The following MICAL2 variants were observed in gnomAD, a reference collection of about 807,000 sequenced individuals.
The protein encoded by MICAL2 is [F-actin]-monooxygenase MICAL2.
A neutral mutation model predicts 127.3 loss-of-function variants in MICAL2; 77 were observed. The observed-to-expected ratio is 0.60, with a 90% CI of 0.50 to 0.73. The LOEUF is 0.73. MICAL2 is among the 30% of genes least tolerant of loss of function. MICAL2 has a pLI of 0.00. For synonymous variants in MICAL2, 570 were observed against 551.1 expected, an observed-to-expected ratio of 1.03 and a Z score of -0.48; for missense variants, 1,351 against 1,434.4, an observed-to-expected ratio of 0.94 and a Z score of 0.94.
chr11:12,211,848 C>T (rs566350440), intron 6 of MICAL2, among the ~76,000 whole-genome samples: 4 of 152,274 alleles, frequency 2.6e-5, no homozygotes, highest in African/African-American at 9.6e-5. Flanking sequence ...CCAATGGCGG[C>T]GGGCTGGACA....
At position 12,334,590 on chromosome 11, in the gene MICAL2, A is replaced by C. The variant is rs1185209442; in HGVS notation, c.5515+7324A>C. ...AGCATTAGGTATATCTCCTAATGCT[A>C]TCCCTCCCCCCTCCCCCCACCCCCC... On this transcript the variant is annotated intron_variant, in intron 32 of 34. Transcript: ENST00000646065. 9.3e-5 allele frequency among the ~76,000 whole-genome samples: 10 copies of C among 107,738 alleles called. No individual in the cohort carries two copies. The South Asian group carries it at 4.1e-3, about 44-fold the overall frequency. 70.7% of individuals were successfully genotyped at this position (107,738 alleles called of 152,430 possible). A position where few individuals can be genotyped will look rare whatever the true frequency, so the allele number is the denominator to read the frequency against.
In MICAL2 at chr11:12,355,421, C is replaced by T. The variant is rs192852930; in HGVS notation, c.5689+564C>T. On this transcript the variant is annotated intron_variant, in intron 34 of 34. Transcript: ENST00000646065. The stretch of plus-strand genomic sequence containing the variant: ...GCAAGGAGAGTAGAGATAAACTCAA[C>T]TGACACAGTATACTGCTGTATGCAT... Among the ~76,000 whole-genome samples the T allele has an allele frequency of 8.5e-5, 13 of 152,310 alleles. No individual in the cohort carries two copies. The East Asian group carries it at 2.1e-3, about 25-fold the overall frequency.
chr11:12,265,527 GA>G (rs1863590148), downstream of MICAL2, among the ~76,000 whole-genome samples: 1 of 152,122 alleles, frequency 6.6e-6, no homozygotes, highest in Admixed American at 6.5e-5. Flanking sequence ...ACTTAATGTA[GA>G]GTAATAAAAT....
chr11:12,112,253 A>G (rs1849666895), intron 1 of MICAL2, among the ~76,000 whole-genome samples: 1 of 152,152 alleles, frequency 6.6e-6, no homozygotes, highest in Non-Finnish European at 1.5e-5. Flanking sequence ...GCCTCTGAAA[A>G]GATGCTCTCC....
At chr11:12,235,992 G>C (rs1858997376) in intron 15 of MICAL2, among the ~76,000 whole-genome samples, 185 bp from the exon 16 acceptor site, 1 of 152,200 alleles carries the variant, frequency 6.6e-6, no homozygotes, top group Admixed American at 6.5e-5. Context: ...ACAAAACCCT[G>C]TGACAGCATT....
At chr11:12,360,694 C>T (rs1939193527), downstream of MICAL2, among the ~76,000 whole-genome samples, 1 of 152,150 alleles carries the variant, frequency 6.6e-6, no homozygotes, top group Admixed American at 6.5e-5. Context: ...CCCAAGAGGG[C>T]CAAGAGAGAA....
chr11:12,241,639 T>C (rs1225134576), intron 18 of MICAL2, among the ~76,000 whole-genome samples: 1 of 152,242 alleles, frequency 6.6e-6, no homozygotes, highest in Admixed American at 6.5e-5. Flanking sequence ...GGAAGGCAGC[T>C]GGCAGTCACG....
chr11:12,347,831 A>G (rs2134894773), intron 32 of MICAL2, among the ~76,000 whole-genome samples: 1 of 152,236 alleles, frequency 6.6e-6, no homozygotes, highest in African/African-American at 2.4e-5. Context: ...AGATACTAAA[A>G]TGTATGAATG....
chr11:12,142,675 T>C (rs1565027237), intron 2 of MICAL2, among the ~76,000 whole-genome samples: 1 of 152,246 alleles, frequency 6.6e-6, no homozygotes, highest in Non-Finnish European at 1.5e-5. Context: ...GCACTTTGCA[T>C]TGGGCAAGCA....
At chr11:12,288,892 G>A (rs1418297327), downstream of MICAL2, among the ~76,000 whole-genome samples, 1 of 152,222 alleles carries the variant, frequency 6.6e-6, no homozygotes, top group Non-Finnish European at 1.5e-5. Flanking sequence ...AGCCACGAGA[G>A]CCATCTTTTT....
intron 3 of MICAL2, among the ~76,000 whole-genome samples, chr11:12,191,907 A>ACGG (rs1859198868): frequency 6.6e-6 from 1 of 152,166 alleles, no homozygotes; most frequent in Non-Finnish European, 1.5e-5. Flanking sequence ...TCAGCCCTGA[A>ACGG]TGGTGAGAAG....
In MICAL2 at chr11:12,239,658, A is replaced by G. The variant is rs192647615; in HGVS notation, c.2214+73A>G. On this transcript the variant is annotated intron_variant, in intron 17 of 27. Transcript: ENST00000683283. ...CAGCAGGAATGTTCTGGCTGCTGATAGACTTCAGATATGCCAGCCAGGCCT... is the reference window on the plus strand; with the variant it reads ...CAGCAGGAATGTTCTGGCTGCTGATGGACTTCAGATATGCCAGCCAGGCCT... 25 of 1,550,450 alleles carry G rather than the reference A, an allele frequency of 1.6e-5. No individual in the cohort carries two copies. The Admixed American group carries it at 2.8e-4, about 17-fold the overall frequency.
chr11:12,165,728 G>A lies in MICAL2; in HGVS notation c.264+3309G>A, dbSNP rs546211046. Among the ~76,000 whole-genome samples the A allele has an allele frequency of 2.6e-5, 4 of 152,334 alleles. No individual in the cohort carries two copies. In the South Asian group the frequency reaches 8.3e-4, roughly 32 times the overall value. ...ACCATATGTGCGTGTATACACACGT[G>A]CGTGTGACAGTGGTGAGAGATTGGG... is the stretch of plus-strand genomic sequence containing the variant. On this transcript the variant is annotated intron_variant, in intron 3 of 27. Coordinates refer to ENST00000683283, the MANE Select transcript of MICAL2 (RefSeq NM_001282663.2).
At position 12,224,712 on chromosome 11, in the gene MICAL2, A is replaced by G; in HGVS notation, c.1580A>G (p.Gln527Arg). ...CCCAGCAAGCTCCTGACCTGGTGCC[A>G]GCAGCAGACAGAGGGCTACCAGCAT... is the stretch of plus-strand genomic sequence containing the variant. The part of the protein sequence containing the change: ...IRPSKLLTWC[Q>R]QQTEGYQHVN... Residue 527 changes from glutamine (Q) to arginine (R), a missense_variant, in exon 13 of 28, where the codon CAG becomes CGG. Around this residue, in one of 2 missense-constraint regions of MICAL2, gnomAD observed 599 missense variants for 714.9 expected, o/e 0.84. Transcript: ENST00000683283. The G allele has an allele frequency of 1.9e-6, 3 of 1,614,210 alleles. No individual in the cohort carries two copies. The highest frequency in any genetic ancestry group is 2.5e-6 in the Non-Finnish European group (3 of 1,180,020).
rs116634837 is a variant in MICAL2, at chr11:12,182,183, G to C, written c.264+19764G>C. On this transcript the variant is annotated intron_variant, in intron 3 of 27. Transcript: ENST00000683283. ...TTAATGTTTTGTTTTATGATTTAAA[G>C]AAAATATTCTGAGAAGGTGTCCATA... Among the ~76,000 whole-genome samples the C allele has an allele frequency of 4.7e-3, 713 of 152,310 alleles. 8 individuals carry two copies. Among genetic ancestry groups the C allele is most frequent in the African/African-American group, 0.016 (684 of 41,564 alleles).
chr11:12,228,191 G>A (rs1012960561), intron 15 of MICAL2, among the ~76,000 whole-genome samples: 3 of 152,190 alleles, frequency 2.0e-5, no homozygotes, highest in South Asian at 4.1e-4. Flanking sequence ...TTAGCCAGGT[G>A]TGGTGACAGG....
intron 3 of MICAL2, among the ~76,000 whole-genome samples, chr11:12,171,070 A>G (rs1217301818): frequency 1.3e-5 from 2 of 152,160 alleles, no homozygotes; most frequent in Non-Finnish European, 2.9e-5. Context: ...CATCTGTCCA[A>G]GTTTGCATCC....
chr11:12,163,988 C>A (rs1489233033), intron 3 of MICAL2, among the ~76,000 whole-genome samples: 3 of 152,014 alleles, frequency 2.0e-5, no homozygotes, highest in Non-Finnish European at 2.9e-5. Flanking sequence ...CCCATACACC[C>A]AACATGTTGT....
At chr11:12,132,257 T>G (rs1413432638) in intron 1 of MICAL2, among the ~76,000 whole-genome samples, 2 of 152,186 alleles carry the variant, frequency 1.3e-5, no homozygotes, top group Admixed American at 1.3e-4. Context: ...GAAACCAGGT[T>G]TGCAGCAGGA....
Sources: allele counts gnomAD v4.1 joint callset (sites outside exome capture counted in the v4.1 genomes callset), GRCh38; gene constraint gnomAD v4.1.1; regional missense constraint gnomAD v4.1.1; transcripts MANE v1.5; gene names NCBI Gene and HGNC (gene_info 2026-07-23, HGNC 2026-07-21).